Variants in KPNA6 observed in about 807,000 individuals in gnomAD.
KPNA6 encodes the protein karyopherin subunit alpha 6, also known as importin subunit alpha-7.
Under a neutral mutation model 72.0 loss-of-function variants are expected in KPNA6, and 9 were observed. The observed-to-expected ratio is 0.13, with a 90% CI of 0.08 to 0.22. KPNA6 has a LOEUF of 0.22. Ranked by LOEUF, KPNA6 falls within the 10% of genes least tolerant of loss-of-function variation. The pLI, the probability that KPNA6 is intolerant of heterozygous loss-of-function variation, is 1.00. For synonymous variants in KPNA6, 219 were observed against 242.1 expected (o/e 0.90, Z 0.89); for missense variants, 374 against 655.7 (o/e 0.57, Z 4.69).
intron 5 of KPNA6, 148 bp from the exon 6 acceptor site, chr1:32,159,252 C>A: frequency 2.7e-6 from 2 of 737,010 alleles, no homozygotes; most frequent in Non-Finnish European, 4.4e-6. Context: ...GTTTTAAATT[C>A]GTGGGCAAGA....
At chr1:32,146,284 C>T (rs1387522877) in intron 1 of KPNA6, among the ~76,000 whole-genome samples, 6 of 152,182 alleles carry the variant, frequency 3.9e-5, no homozygotes, top group Admixed American at 3.3e-4. Flanking sequence ...GAACTTGCTT[C>T]ATGTTTGGGG....
intron 4 of KPNA6, 147 bp from the exon 5 acceptor site, chr1:32,158,120 T>G: frequency 3.3e-6 from 2 of 611,318 alleles, no homozygotes; most frequent in Non-Finnish European, 2.9e-6. Context: ...GACGAGTAGA[T>G]ATTGTTAAAA....
At chr1:32,137,222 G>A (rs747422072) in intron 1 of KPNA6, among the ~76,000 whole-genome samples, 1 of 152,072 alleles carries the variant, frequency 6.6e-6, no homozygotes, top group Non-Finnish European at 1.5e-5. Flanking sequence ...TGTCACCCAA[G>A]CTGGAGCACT....
chr1:32,139,311 G>C (rs913359864), intron 1 of KPNA6, among the ~76,000 whole-genome samples: 10 of 152,162 alleles, frequency 6.6e-5, no homozygotes, highest in African/African-American at 2.4e-4. Context: ...TTGGGTTAGG[G>C]TAATGGGGAA....
Position 32,172,868 on chromosome 1 carries a change from G to A in KPNA6, c.*1974G>A, listed in dbSNP as rs1212073906. 5.2e-6 allele frequency: 2 copies of A among 387,234 alleles called. No homozygotes were observed. Among genetic ancestry groups the A allele is most frequent in the Admixed American group, 4.5e-5 (1 of 22,372 alleles). 24.0% of individuals were successfully genotyped at this position (387,234 alleles called of 1,614,324 possible). On this transcript the variant is annotated 3_prime_UTR_variant, in exon 14 of 14. Transcript: ENST00000373625. ...TGCTACACATCTCCTTCTGGCTCAG[G>A]TGAAATCCATGCCCTTCTGCTTATA...
intron 1 of KPNA6, among the ~76,000 whole-genome samples, chr1:32,119,016 A>T (rs1486410312): frequency 4.0e-4 from 28 of 69,302 alleles, no homozygotes; most frequent in East Asian, 1.2e-3. Flanking sequence ...ATATATATAT[A>T]TATATATATA....
rs532842465 is a variant in KPNA6 at position 32,168,266 on chromosome 1, C to T, written c.1244+970C>T. On this transcript the variant is annotated intron_variant, in intron 12 of 13. Transcript: ENST00000373625. ...TGTGTATGTGTGCTCTTTTTGAGAC[C>T]GCAACCTCTGCCTCCCAGGTTCAAG... 7.4e-4 allele frequency among the ~76,000 whole-genome samples: 112 copies of T among 152,180 alleles called. 1 individual carries two copies. The highest frequency in any genetic ancestry group is 8.7e-4 in the Non-Finnish European group (59 of 68,016).
intron 1 of KPNA6, among the ~76,000 whole-genome samples, chr1:32,148,346 G>C (rs1361669767): frequency 6.6e-6 from 1 of 151,654 alleles, no homozygotes; most frequent in Non-Finnish European, 1.5e-5. Flanking sequence ...GTTTCACCCT[G>C]TTGGCCAGGC....
intron 1 of KPNA6, among the ~76,000 whole-genome samples, chr1:32,117,876 A>G (rs747972914): frequency 3.3e-5 from 5 of 151,738 alleles, no homozygotes; most frequent in African/African-American, 4.9e-5. Flanking sequence ...AGCTAAAGCA[A>G]TCTCTTCCCC....
intron 1 of KPNA6, among the ~76,000 whole-genome samples, chr1:32,128,387 TTATATATA>T (rs67312157): frequency 0.027 from 1,923 of 72,136 alleles, 52 homozygotes; most frequent in African/African-American, 0.05. Context: ...ATATATGTAT[TTATATATA>T]TATATATATA....
At chr1:32,135,794 T>G (rs1641724659) in intron 1 of KPNA6, among the ~76,000 whole-genome samples, 1 of 151,724 alleles carries the variant, frequency 6.6e-6, no homozygotes, top group South Asian at 2.1e-4. Flanking sequence ...TTTTTTTTTT[T>G]AGGATGATGA....
intron 1 of KPNA6, among the ~76,000 whole-genome samples, chr1:32,142,187 CAG>C (rs1641849722): frequency 7.3e-6 from 1 of 137,410 alleles, no homozygotes; most frequent in Non-Finnish European, 1.5e-5. Flanking sequence ...ACCCCGGAGA[CAG>C]AGGTTGCAGG....
chr1:32,129,859 T>G (rs921845551), intron 1 of KPNA6, among the ~76,000 whole-genome samples: 1 of 152,172 alleles, frequency 6.6e-6, no homozygotes, highest in Non-Finnish European at 1.5e-5. Flanking sequence ...GAAGCAGCAT[T>G]GACACTCCTG....
intron 1 of KPNA6, among the ~76,000 whole-genome samples, chr1:32,123,126 C>G (rs1464490125): frequency 6.6e-6 from 1 of 152,060 alleles, no homozygotes; most frequent in African/African-American, 2.4e-5. Context: ...GCTGGCCATT[C>G]TTTCTGATTG....
intron 7 of KPNA6, among the ~76,000 whole-genome samples, chr1:32,161,214 G>A (rs1642232230): frequency 6.6e-6 from 1 of 152,040 alleles, no homozygotes. Context: ...TCATGGCACT[G>A]CAGAACCTCA....
chr1:32,136,501 A>G (rs1641738485), intron 1 of KPNA6, among the ~76,000 whole-genome samples: 1 of 152,154 alleles, frequency 6.6e-6, no homozygotes, highest in African/African-American at 2.4e-5. Context: ...TAGCAAATCT[A>G]ACAAATGGGA....
chr1:32,134,007 C>G (rs571095543), intron 1 of KPNA6, among the ~76,000 whole-genome samples: 1 of 152,222 alleles, frequency 6.6e-6, no homozygotes, highest in Non-Finnish European at 1.5e-5. Flanking sequence ...CTTTGGGAGG[C>G]TGAAGTGGGT....
At chr1:32,170,672 T>A (rs1642419619) in intron 13 of KPNA6, 35 bp from the exon 14 acceptor site, 1 of 1,586,518 alleles carries the variant, frequency 6.3e-7, no homozygotes, top group African/African-American at 1.3e-5. Flanking sequence ...AGAAAAGCAC[T>A]CACACTTCCC....
intron 1 of KPNA6, among the ~76,000 whole-genome samples, chr1:32,116,372 TTCCTG>T (rs1308741058): frequency 6.6e-6 from 1 of 151,544 alleles, no homozygotes; most frequent in African/African-American, 2.4e-5. Flanking sequence ...TCAAGATCTT[TTCCTG>T]GCCAGGTGCA....
Sources: gnomAD v4.1 joint callset for allele counts (sites outside exome capture counted in the v4.1 genomes callset) on GRCh38, gnomAD v4.1.1 for gene constraint, MANE v1.5 for transcripts, NCBI Gene and HGNC (gene_info 2026-07-23, HGNC 2026-07-21) for gene names.